PCLO: variants seen among roughly 807,000 people sequenced by gnomAD.
PCLO encodes piccolo presynaptic cytomatrix protein, also known as protein piccolo.
A neutral mutation model predicts 427.5 loss-of-function variants in PCLO; 82 were observed. The ratio of observed to expected loss-of-function variants is 0.19; its 90% CI spans 0.16 to 0.23. The LOEUF (loss-of-function observed/expected upper bound fraction) is 0.23, where lower values mean the gene tolerates loss of function less well. PCLO is among the 10% of genes least tolerant of loss of function. The pLI is 1.00. For synonymous variants in PCLO, 2,357 were observed against 2,155.4 expected, an observed-to-expected ratio of 1.09 and a Z score of -2.59; for missense variants, 6,239 against 6,115.9, an observed-to-expected ratio of 1.02 and a Z score of -0.67.
intron 23 of PCLO, among the ~76,000 whole-genome samples, 159 bp from the exon 24 acceptor site, chr7:82,760,943 C>CTTTTTTTTTTTTTTTTT (rs767222339): frequency 1.7e-5 from 1 of 60,370 alleles, no homozygotes; most frequent in African/African-American, 6.5e-5. Context: ...AAAGATATGT[C>CTTTTTTTTTTTTTTTTT]TTTTTTTTTT....
chr7:83,049,344 A>C (rs1789178800), intron 3 of PCLO, among the ~76,000 whole-genome samples: 1 of 152,296 alleles, frequency 6.6e-6, no homozygotes, highest in Non-Finnish European at 1.5e-5. Context: ...GTCAAGTCCA[A>C]GTTCCTACAG....
At chr7:82,852,674 T>C (rs1177351039) in intron 10 of PCLO, among the ~76,000 whole-genome samples, 1 of 152,094 alleles carries the variant, frequency 6.6e-6, no homozygotes, top group Non-Finnish European at 1.5e-5. Flanking sequence ...CGACTTTATA[T>C]TGTGATCGTG....
At chr7:83,145,855 T>C (rs1791981505) in intron 2 of PCLO, among the ~76,000 whole-genome samples, 1 of 152,152 alleles carries the variant, frequency 6.6e-6, no homozygotes, top group Non-Finnish European at 1.5e-5. Flanking sequence ...AACAAATAAG[T>C]AGCTGATCTA....
chr7:82,849,062 A>C (rs1792580848), intron 10 of PCLO: 1 of 169,872 alleles, frequency 5.9e-6, no homozygotes, highest in Non-Finnish European at 1.3e-5. Context: ...GATGATTTTG[A>C]ATTCAATCAA....
intron 4 of PCLO, among the ~76,000 whole-genome samples, chr7:82,963,501 C>A (rs977925425): frequency 9.2e-5 from 14 of 151,892 alleles, no homozygotes; most frequent in African/African-American, 3.1e-4. Flanking sequence ...CTGTGAGCTA[C>A]TTCTTTCATT....
intron 20 of PCLO, among the ~76,000 whole-genome samples, chr7:82,813,518 T>G (rs1234131746): frequency 6.6e-6 from 1 of 151,752 alleles, no homozygotes; most frequent in African/African-American, 2.4e-5. Context: ...TGCATTTTTC[T>G]TTTTCCTCTC....
intron 3 of PCLO, among the ~76,000 whole-genome samples, chr7:83,016,693 TA>T (rs1788216195): frequency 6.6e-6 from 1 of 152,074 alleles, no homozygotes; most frequent in South Asian, 2.1e-4. Flanking sequence ...ATTCTGAATA[TA>T]AAAGTACTAT....
Position 82,916,567 on chromosome 7 carries a change from T to C in PCLO, c.11419A>G (p.Arg3807Gly). ...TCCTTTAATAGGGCCTCTTTCCTCC[T>C]GTTAATTCCCATTTCCAGGTATCGT... is the stretch of plus-strand genomic sequence containing the variant. ...KLRYLEMGIN[R>G]RKEALLKERE... The change falls in exon 7 of 25, where the codon AGG (arginine) becomes GGG (glycine). Residue 3807 changes from arginine to glycine, a missense_variant. Physicochemically the swap from Arg to Gly is moderately radical, Grantham distance 125. Transcript: ENST00000333891. The C allele has an allele frequency of 6.2e-7, 1 of 1,613,736 alleles. No individual in the cohort carries two copies. The highest frequency in any genetic ancestry group is 8.5e-7 in the Non-Finnish European group (1 of 1,179,744).
In PCLO at chr7:82,801,554, G is replaced by A; in HGVS notation, c.14971C>T (p.Gln4991Ter). 6.3e-7 allele frequency: 1 copy of A among 1,597,966 alleles called. No individual in the cohort carries two copies. Among genetic ancestry groups the A allele is most frequent in the Non-Finnish European group, 8.6e-7 (1 of 1,165,614 alleles). ...GCTAGTCCTACTCCTACCCCTGGCT[G>A]TTTTACAGGCTCTTGTCCATTCTGT... is the stretch of plus-strand genomic sequence containing the variant. The part of the protein sequence containing the change: ...MGQNGQEPVK[Q>*]PGVGVGLADT... Residue 4991 changes from glutamine to a stop codon, truncating the protein, a stop_gained, in exon 22 of 25, where the codon CAG becomes TAG. Coordinates refer to ENST00000333891, the MANE Select transcript of PCLO (RefSeq NM_033026.6). LOFTEE classifies it high-confidence loss of function.
chr7:83,147,770 TA>T (rs547112291), intron 2 of PCLO, among the ~76,000 whole-genome samples: 1 of 152,076 alleles, frequency 6.6e-6, no homozygotes, highest in African/African-American at 2.4e-5. Flanking sequence ...ATTTAAAAAA[TA>T]AAAAAATAGT....
intron 20 of PCLO, among the ~76,000 whole-genome samples, chr7:82,816,868 A>G (rs1791689417): frequency 6.6e-6 from 1 of 152,152 alleles, no homozygotes; most frequent in Non-Finnish European, 1.5e-5. Flanking sequence ...CATTGATGGT[A>G]GGTCAGTGAA....
rs765237801 is a variant in PCLO at position 82,908,933 on chromosome 7, G to C, written c.13381C>G (p.Arg4461Gly). The C allele has an allele frequency of 2.6e-5, 42 of 1,612,650 alleles. 1 individual carries two copies. In the South Asian group the frequency reaches 4.5e-4, roughly 17 times the overall value. ...TGGACCAATCTTTCCGGCAGTTTTCGGTCCAGACCATGTCCATTTTCCAAA... is the reference window on the plus strand; with the variant it reads ...TGGACCAATCTTTCCGGCAGTTTTCCGTCCAGACCATGTCCATTTTCCAAA... ...SRLENGHGLD[R>G]KLPERLVHSR... is the part of the protein sequence containing the mutation. The change falls in exon 8 of 25, where the codon CGA (arginine) becomes GGA (glycine). Residue 4461 changes from arginine to glycine, a missense_variant. Physicochemically the swap from Arg to Gly is moderately radical, Grantham distance 125. This residue lies in a region of PCLO where 877 missense variants were observed against 925.5 expected (regional missense o/e 0.95). Coordinates refer to ENST00000333891, the MANE Select transcript of PCLO (RefSeq NM_033026.6).
chr7:83,006,030 C>T (rs1247574185), intron 3 of PCLO, among the ~76,000 whole-genome samples: 1 of 151,524 alleles, frequency 6.6e-6, no homozygotes, highest in African/African-American at 2.4e-5. Flanking sequence ...TTTGCCTTGG[C>T]AAACATGACA....
intron 3 of PCLO, among the ~76,000 whole-genome samples, chr7:82,989,471 GA>G (rs1796327499): frequency 6.6e-6 from 1 of 151,652 alleles, no homozygotes; most frequent in Non-Finnish European, 1.5e-5. Context: ...GTATATAATT[GA>G]TTCAAATTAA....
intron 3 of PCLO, among the ~76,000 whole-genome samples, chr7:83,120,135 G>C (rs1791238145): frequency 6.6e-6 from 1 of 152,086 alleles, no homozygotes; most frequent in Admixed American, 6.5e-5. Context: ...AGGCATGGTG[G>C]TTCATGCCTG....
chr7:82,801,633 T>C (rs1460123494), intron 21 of PCLO, 42 bp from the exon 22 acceptor site: 3 of 1,198,102 alleles, frequency 2.5e-6, no homozygotes, highest in Non-Finnish European at 3.7e-6. Context: ...AGTTATGATC[T>C]CATGAATGCA....
chr7:83,035,497 T>G (rs1788771757), intron 3 of PCLO, among the ~76,000 whole-genome samples: 1 of 152,162 alleles, frequency 6.6e-6, no homozygotes, highest in Non-Finnish European at 1.5e-5. Context: ...AAAAAAAAGA[T>G]AATTCCTAAC....
At chr7:82,974,235 A>T (rs1795967537) in intron 3 of PCLO, among the ~76,000 whole-genome samples, 2 of 152,112 alleles carry the variant, frequency 1.3e-5, no homozygotes, top group South Asian at 4.1e-4. Flanking sequence ...GAATGTACAA[A>T]ATTAGCCAGG....
intron 3 of PCLO, among the ~76,000 whole-genome samples, chr7:83,057,346 ATATTTTTTTTTTTTTTTT>A (rs1440477121): frequency 1.1e-4 from 2 of 18,282 alleles, no homozygotes; most frequent in African/African-American, 4.0e-4. Context: ...ATATATATAT[ATATTTTTTTTTTTTTTTT>A]TTTTTTTTTT....
Sources: allele counts gnomAD v4.1 joint callset (sites outside exome capture counted in the v4.1 genomes callset), GRCh38; gene constraint gnomAD v4.1.1; regional missense constraint gnomAD v4.1.1; transcripts MANE v1.5; gene names NCBI Gene and HGNC (gene_info 2026-07-23, HGNC 2026-07-21).